The following TBC1D2B variants were observed in gnomAD, a reference collection of about 807,000 sequenced individuals.
TBC1D2B encodes the protein TBC1 domain family member 2B.
Under a neutral mutation model 100.8 loss-of-function variants are expected in TBC1D2B, and 64 were observed. The ratio of observed to expected loss-of-function variants is 0.64; its 90% CI spans 0.52 to 0.78. The LOEUF is 0.78. Among genes scored for constraint, TBC1D2B ranks in the 30% least tolerant of loss-of-function variants. The pLI is 0.00. For missense variants in TBC1D2B, 1,052 were observed against 1,218.4 expected, an observed-to-expected ratio of 0.86 and a Z score of 2.03; for synonymous variants, 480 against 479.7, an observed-to-expected ratio of 1.00 and a Z score of -0.01.
At chr15:78,062,338 C>A (rs965068539) in intron 1 of TBC1D2B, among the ~76,000 whole-genome samples, 2 of 152,164 alleles carry the variant, frequency 1.3e-5, no homozygotes, top group African/African-American at 4.8e-5. Context: ...AAAGACCAAA[C>A]AACTTCAAAG....
rs2073169447 is a variant in TBC1D2B at position 78,045,112 on chromosome 15, C to G, written c.515-44G>C. 4.5e-6 allele frequency: 7 copies of G among 1,557,562 alleles called. No individual in the cohort carries two copies. The East Asian group carries it at 1.6e-4, about 35-fold the overall frequency. ...AAATGTCAGTTACTCAAAGCTTCCACACGAAACTTGACATCCCACATAAAA... is the reference window on the plus strand; with the variant it reads ...AAATGTCAGTTACTCAAAGCTTCCAGACGAAACTTGACATCCCACATAAAA... On this transcript the variant is annotated intron_variant, in intron 2 of 12. Coordinates refer to ENST00000300584, the MANE Select transcript of TBC1D2B (RefSeq NM_144572.2).
At chr15:78,067,885 T>C (rs1179516482) in intron 1 of TBC1D2B, among the ~76,000 whole-genome samples, 4 of 152,236 alleles carry the variant, frequency 2.6e-5, no homozygotes, top group African/African-American at 7.2e-5. Context: ...TACACAATTA[T>C]ACCAACATTT....
At chr15:78,005,706 A>C (rs1366316974) in intron 10 of TBC1D2B, among the ~76,000 whole-genome samples, 2 of 152,224 alleles carry the variant, frequency 1.3e-5, no homozygotes, top group Non-Finnish European at 2.9e-5. Flanking sequence ...AAGGAAATAC[A>C]TCAAAATGCT....
chr15:78,007,157 G>T (rs1174770133), intron 10 of TBC1D2B, among the ~76,000 whole-genome samples: 3 of 152,228 alleles, frequency 2.0e-5, no homozygotes, highest in Admixed American at 2.0e-4. Flanking sequence ...GTACCCAGAG[G>T]ATGGGCATGC....
At chr15:78,040,896 A>G (rs144108142) in intron 3 of TBC1D2B, among the ~76,000 whole-genome samples, 7,721 of 144,132 alleles carry the variant, frequency 0.054, 283 homozygotes, top group East Asian at 0.2. Context: ...GAGAGAGAGA[A>G]AGAAAGAAAG....
At chr15:78,056,239 GGAGA>G (rs2073419511) in intron 1 of TBC1D2B, among the ~76,000 whole-genome samples, 1 of 152,292 alleles carries the variant, frequency 6.6e-6, no homozygotes, top group African/African-American at 2.4e-5. Context: ...GAGATTCCAG[GGAGA>G]GAGAGAAGTG....
chr15:78,018,666 G>A (rs543483799), intron 6 of TBC1D2B, among the ~76,000 whole-genome samples: 3 of 152,276 alleles, frequency 2.0e-5, no homozygotes, highest in East Asian at 1.9e-4. Flanking sequence ...AGAGCAGGTC[G>A]GGGCAGGACA....
At chr15:78,009,789 A>C (rs2072171262) in intron 9 of TBC1D2B, among the ~76,000 whole-genome samples, 2 of 152,152 alleles carry the variant, frequency 1.3e-5, no homozygotes. Context: ...CCTGGCTGAC[A>C]CGGTGAAACC....
chr15:78,018,378 T>C (rs1185481735), intron 6 of TBC1D2B, among the ~76,000 whole-genome samples: 1 of 152,206 alleles, frequency 6.6e-6, no homozygotes, highest in East Asian at 1.9e-4. Context: ...CATCTTCACT[T>C]ATCCAGTTTA....
intron 1 of TBC1D2B, among the ~76,000 whole-genome samples, chr15:78,073,708 A>G (rs1429169777): frequency 2.6e-5 from 4 of 152,156 alleles, no homozygotes; most frequent in East Asian, 1.9e-4. Context: ...GCGGTGGCTC[A>G]TATCTGTAAC....
At position 78,025,517 on chromosome 15, in the gene TBC1D2B, GTATTT is replaced by G. The variant is rs776369596; in HGVS notation, c.848-25_848-21del. ...TTACTCCTACATAAAAATAAAACTT[GTATTT>G]TATTATTATTATTATTATTTTTGAG... On this transcript the variant is annotated intron_variant, in intron 4 of 12. Transcript: ENST00000300584. 96 of 1,471,346 alleles carry G rather than the reference GTATTT, an allele frequency of 6.5e-5. 1 individual carries two copies. The highest frequency in any genetic ancestry group is 8.3e-5 in the Non-Finnish European group (91 of 1,090,420). The allele number at this position is 1,471,346 out of a possible 1,614,324, so 91.1% of individuals were successfully genotyped here.
chr15:78,038,174 C>T (rs2072993428), intron 3 of TBC1D2B, among the ~76,000 whole-genome samples: 1 of 152,192 alleles, frequency 6.6e-6, no homozygotes, highest in Non-Finnish European at 1.5e-5. Context: ...GGACACCCAC[C>T]ATGAGCCAGG....
intron 3 of TBC1D2B, among the ~76,000 whole-genome samples, chr15:78,038,821 C>A (rs774908874): frequency 9.2e-5 from 14 of 152,208 alleles, no homozygotes; most frequent in Non-Finnish European, 1.8e-4. Flanking sequence ...AGCCACTGGT[C>A]CTCTCATGAC....
At chr15:78,038,307 G>A (rs1252872737) in intron 3 of TBC1D2B, among the ~76,000 whole-genome samples, 1 of 152,210 alleles carries the variant, frequency 6.6e-6, no homozygotes, top group African/African-American at 2.4e-5. Flanking sequence ...AAACTACAGG[G>A]CTATGAAGGA....
rs1009408799 is a variant in TBC1D2B at position 77,996,682 on chromosome 15, C to T, written c.*1478G>A. ...GCATGTGCTGAAACACCAACTTTGC[C>T]GTGGCATTGCCAAAAAGTTGACAGC... On this transcript the variant is annotated 3_prime_UTR_variant, in exon 13 of 13. Coordinates refer to ENST00000300584, the MANE Select transcript of TBC1D2B (RefSeq NM_144572.2). 1.8e-4 allele frequency: 27 copies of T among 152,320 alleles called. 1 individual carries two copies. Among genetic ancestry groups the T allele is most frequent in the Admixed American group, 1.3e-3 (20 of 15,300 alleles). The allele number at this position is 152,320 out of a possible 1,614,324, so 9.4% of individuals were successfully genotyped here.
chr15:78,026,959 A>G (rs1221020609), intron 4 of TBC1D2B, among the ~76,000 whole-genome samples: 1 of 151,882 alleles, frequency 6.6e-6, no homozygotes, highest in Non-Finnish European at 1.5e-5. Context: ...AGTGGTATGT[A>G]CCTGTGGTCC....
At chr15:78,028,560 G>A (rs1242511736) in intron 4 of TBC1D2B, among the ~76,000 whole-genome samples, 3 of 152,248 alleles carry the variant, frequency 2.0e-5, no homozygotes, top group Admixed American at 6.5e-5. Context: ...AATGAATCAA[G>A]ATGACAACGC....
intron 9 of TBC1D2B, among the ~76,000 whole-genome samples, chr15:78,009,365 T>C (rs2072158252): frequency 6.6e-6 from 1 of 151,916 alleles, no homozygotes; most frequent in African/African-American, 2.4e-5. Flanking sequence ...CAAGACTCCA[T>C]CTCTAAAAAA....
intron 11 of TBC1D2B, chr15:78,003,091 G>T: frequency 2.0e-6 from 1 of 507,770 alleles, no homozygotes; most frequent in Non-Finnish European, 3.6e-6. Flanking sequence ...CCTATCACAG[G>T]GCTTGATGTG....
Sources: allele counts gnomAD v4.1 joint callset (sites outside exome capture counted in the v4.1 genomes callset), GRCh38; gene constraint gnomAD v4.1.1; transcripts MANE v1.5; gene names NCBI Gene and HGNC (gene_info 2026-07-23, HGNC 2026-07-21).